MIS18BP1: variants seen among roughly 807,000 people sequenced by gnomAD.
MIS18BP1 encodes the protein mis18-binding protein 1.
Under a neutral mutation model 116.1 loss-of-function variants are expected in MIS18BP1, and 72 were observed. That is an observed-to-expected ratio of 0.62 (90% CI 0.51 to 0.75). The LOEUF is 0.75. Ranked by LOEUF, MIS18BP1 falls within the 30% of genes least tolerant of loss-of-function variation. MIS18BP1 has a pLI of 0.00. For missense variants in MIS18BP1, 1,363 were observed against 1,303.2 expected (o/e 1.05, Z -0.71); for synonymous variants, 386 against 427.0 (o/e 0.90, Z 1.18).
At position 45,242,843 on chromosome 14, in the gene MIS18BP1, T is replaced by C. The variant is rs1434510898; in HGVS notation, c.576A>G (p.Ser192=). Reference sequence around the variant, plus strand: ...TGACCGGGAGGAAAATATCATTATTTGATGATTCTAGAGGAACTCCTTGGA... The same window carrying C: ...TGACCGGGAGGAAAATATCATTATTCGATGATTCTAGAGGAACTCCTTGGA... ...ASVQGVPLES[S]NNDIFLPVKQ... is the part of the protein sequence containing the mutation. The change falls in exon 3 of 17, where the codon TCA becomes TCG. Residue 192 remains serine (S), a synonymous_variant. Transcript: ENST00000310806. 5 of 1,613,104 alleles carry C rather than the reference T, an allele frequency of 3.1e-6. No homozygotes were observed. The highest frequency in any genetic ancestry group is 4.2e-6 in the Non-Finnish European group (5 of 1,179,500).
intron 2 of MIS18BP1, among the ~76,000 whole-genome samples, chr14:45,245,671 C>G (rs913523485): frequency 4.6e-5 from 7 of 152,164 alleles, no homozygotes; most frequent in Admixed American, 3.9e-4. Context: ...GCCGGCCTTT[C>G]TACTCTTTAT....
chr14:45,205,496 A>T (rs1315620261), intron 15 of MIS18BP1, among the ~76,000 whole-genome samples: 1 of 152,186 alleles, frequency 6.6e-6, no homozygotes, highest in Admixed American at 6.5e-5. Context: ...TTAAAAATTT[A>T]AAAAGTAATT....
chr14:45,212,002 C>T (rs78397716), intron 13 of MIS18BP1, among the ~76,000 whole-genome samples: 3,002 of 152,276 alleles, frequency 0.02, 98 homozygotes, highest in African/African-American at 0.068. Context: ...GTTGCTGGGG[C>T]TCTGCTCTGT....
chr14:45,235,919 T>C lies in MIS18BP1; in HGVS notation c.1243A>G (p.Ser415Gly), dbSNP rs1281870148. The change falls in exon 6 of 17, where the codon AGT (serine) becomes GGT (glycine). Residue 415 changes from serine (S) to glycine (G), a missense_variant. Coordinates refer to ENST00000310806, the MANE Select transcript of MIS18BP1 (RefSeq NM_018353.5). ...TCAATCCGCTCTATAATTACATTAC[T>C]GTGCCAATATATGTTAGTGACGTCT... ...LIDVTNIYWH[S>G]NVIIERIEHN... 20 of 1,610,134 alleles carry C rather than the reference T, an allele frequency of 1.2e-5. No individual in the cohort carries two copies. The highest frequency in any genetic ancestry group is 1.6e-5 in the Non-Finnish European group (19 of 1,178,162).
chr14:45,239,609 G>T (rs1364909249), intron 4 of MIS18BP1, among the ~76,000 whole-genome samples: 1 of 152,178 alleles, frequency 6.6e-6, no homozygotes, highest in African/African-American at 2.4e-5. Context: ...GTTTTCTATT[G>T]AGATGACAAG....
chr14:45,209,758 A>C (rs1668865651), intron 14 of MIS18BP1, among the ~76,000 whole-genome samples: 1 of 152,228 alleles, frequency 6.6e-6, no homozygotes, highest in Non-Finnish European at 1.5e-5. Flanking sequence ...AAAATTCCTA[A>C]GTCAAAGGGC....
Position 45,232,842 on chromosome 14 carries a change from CAA to C in MIS18BP1, c.1349-24_1349-23del, listed in dbSNP as rs1337484740. On this transcript the variant is annotated intron_variant, in intron 6 of 16. Transcript: ENST00000310806. ...TATCCTATTTAAGGATAAACAACAA[CAA>C]AAAGTATTTAAAAGCCTAGAATTTT... 3 of 1,128,512 alleles carry C rather than the reference CAA, an allele frequency of 2.7e-6. No individual in the cohort carries two copies. The African/African-American group carries it at 4.7e-5, about 18-fold the overall frequency. 69.9% of individuals were successfully genotyped at this position (1,128,512 alleles called of 1,614,324 possible).
chr14:45,209,837 A>G (rs1421422967), intron 14 of MIS18BP1, among the ~76,000 whole-genome samples: 1 of 152,242 alleles, frequency 6.6e-6, no homozygotes, highest in Non-Finnish European at 1.5e-5. Flanking sequence ...CCTTCTCACT[A>G]GCAATGCACA....
chr14:45,227,030 C>T (rs1891141039), intron 9 of MIS18BP1, among the ~76,000 whole-genome samples, 194 bp from the exon 10 acceptor site: 1 of 152,144 alleles, frequency 6.6e-6, no homozygotes, highest in Non-Finnish European at 1.5e-5. Context: ...ATCCATTATC[C>T]TACATATTTT....
At chr14:45,236,864 C>T (rs1480590542) in intron 5 of MIS18BP1, among the ~76,000 whole-genome samples, 1 of 152,000 alleles carries the variant, frequency 6.6e-6, no homozygotes, top group Admixed American at 6.6e-5. Flanking sequence ...AGATAGTAGG[C>T]AGCAGCAATG....
At chr14:45,205,946 T>C (rs1890503376) in intron 15 of MIS18BP1, 137 bp downstream of exon 15, 1 of 575,586 alleles carries the variant, frequency 1.7e-6, no homozygotes, top group African/African-American at 1.9e-5. Context: ...CTTACCTCAT[T>C]CATGGCTTCA....
chr14:45,241,703 T>C (rs1347332955), intron 4 of MIS18BP1: 1 of 204,850 alleles, frequency 4.9e-6, no homozygotes, highest in Non-Finnish European at 9.9e-6. Context: ...ATTTTAATAG[T>C]ACTGTAAGTA....
Position 45,204,460 on chromosome 14 carries a change from AAG to A in MIS18BP1, c.3241-9_3241-8del. 1 of 1,587,302 alleles carries A rather than the reference AAG, an allele frequency of 6.3e-7. No homozygotes were observed. Among genetic ancestry groups the A allele is most frequent in the African/African-American group, 1.4e-5 (1 of 73,276 alleles). ...TTGAGAAATCAGTTTCAACCTATAA[AAG>A]AGTTACTATTAATAGCTAAATGGTA... On this transcript the variant is annotated splice_polypyrimidine_tract_variant and splice_region_variant and intron_variant, in intron 15 of 16. Transcript: ENST00000310806.
intron 11 of MIS18BP1, among the ~76,000 whole-genome samples, chr14:45,222,331 T>C (rs529223593): frequency 2.0e-5 from 3 of 152,326 alleles, no homozygotes; most frequent in African/African-American, 7.2e-5. Flanking sequence ...TTTTGGGCTA[T>C]TTGATTTTCC....
intron 13 of MIS18BP1, 93 bp downstream of exon 13, chr14:45,216,926 G>T: frequency 7.4e-7 from 1 of 1,349,892 alleles, no homozygotes; most frequent in Non-Finnish European, 1.0e-6. Context: ...CTGATCCTTG[G>T]CCTAAATATT....
rs146240321 is a variant in MIS18BP1, at chr14:45,214,064, T to C, written c.3003+2955A>G. Among the ~76,000 whole-genome samples the C allele has an allele frequency of 4.5e-3, 690 of 152,306 alleles. 4 individuals are homozygous for C. The highest frequency in any genetic ancestry group is 0.016 in the African/African-American group (667 of 41,562). On this transcript the variant is annotated intron_variant, in intron 13 of 16. Coordinates refer to ENST00000310806, the MANE Select transcript of MIS18BP1 (RefSeq NM_018353.5). ...AGGAAAACCAGGTATTGTCCAAGGT[T>C]TCTCCCCATGTGATAGCCTGAGATA...
chr14:45,217,297 A>C, intron 12 of MIS18BP1, 118 bp from the exon 13 acceptor site: 1 of 1,242,186 alleles, frequency 8.1e-7, no homozygotes, highest in Non-Finnish European at 1.1e-6. Context: ...AAACCAAAAA[A>C]CTCAGCCTTG....
intron 4 of MIS18BP1, among the ~76,000 whole-genome samples, chr14:45,240,639 G>C (rs1594524276): frequency 6.6e-6 from 1 of 152,056 alleles, no homozygotes; most frequent in East Asian, 1.9e-4. Flanking sequence ...GTAGCAGCTG[G>C]AGTTGGACAG....
chr14:45,236,408 A>G (rs2139220043), intron 5 of MIS18BP1, among the ~76,000 whole-genome samples: 1 of 152,328 alleles, frequency 6.6e-6, no homozygotes, highest in Middle Eastern at 3.4e-3. Flanking sequence ...AAGGTACCAA[A>G]TGAGGTTTAA....
Sources: gnomAD v4.1 joint callset for allele counts (sites outside exome capture counted in the v4.1 genomes callset) on GRCh38, gnomAD v4.1.1 for gene constraint, MANE v1.5 for transcripts, NCBI Gene and HGNC (gene_info 2026-07-23, HGNC 2026-07-21) for gene names.